PRPF4: variants seen among roughly 807,000 people sequenced by gnomAD.
The protein encoded by PRPF4 is pre-mRNA splicing tri-snRNP complex factor PRPF4.
PRPF4 carries 14 observed loss-of-function variants against 72.2 expected under a neutral mutation model. The ratio of observed to expected loss-of-function variants is 0.19; its 90% CI spans 0.13 to 0.30. PRPF4 has a LOEUF of 0.30. PRPF4 is among the 10% of genes least tolerant of loss of function. PRPF4 has a pLI of 1.00. For missense variants in PRPF4, 478 were observed against 653.9 expected (o/e 0.73, Z 2.93); for synonymous variants, 225 against 232.2 (o/e 0.97, Z 0.28).
chr9:113,285,619 C>A (rs1330883115), intron 7 of PRPF4, among the ~76,000 whole-genome samples: 2 of 151,666 alleles, frequency 1.3e-5, no homozygotes, highest in Non-Finnish European at 2.9e-5. Flanking sequence ...ACCTTGTGAT[C>A]TGCCCGCCTT....
intron 2 of PRPF4, among the ~76,000 whole-genome samples, chr9:113,277,498 G>A (rs1162880291): frequency 1.3e-5 from 2 of 151,970 alleles, no homozygotes; most frequent in African/African-American, 4.8e-5. Flanking sequence ...GGATTCTCCT[G>A]CCTCAGCCTC....
chr9:113,283,015 C>T lies in PRPF4; in HGVS notation c.481-117C>T, dbSNP rs962323447. On this transcript the variant is annotated intron_variant, in intron 4 of 13. Coordinates refer to ENST00000374198, the MANE Select transcript of PRPF4 (RefSeq NM_001244926.2). ...CAGTAGAAAGTCCTCTGCCTGATTT[C>T]ATCCTATTACCGAATGAATTCACCT... The T allele has an allele frequency of 9.8e-6, 15 of 1,537,132 alleles. No homozygotes were observed. In the Admixed American group the frequency reaches 2.9e-4, roughly 30 times the overall value.
At chr9:113,279,844 T>C (rs1192073663) in intron 3 of PRPF4, among the ~76,000 whole-genome samples, 2 of 152,164 alleles carry the variant, frequency 1.3e-5, no homozygotes, top group African/African-American at 4.8e-5. Flanking sequence ...ATGATAAATG[T>C]TTCTTGGATT....
At chr9:113,290,332 C>A in intron 10 of PRPF4, 134 bp from the exon 11 acceptor site, 1 of 1,268,576 alleles carries the variant, frequency 7.9e-7, no homozygotes, top group Non-Finnish European at 1.1e-6. Context: ...CAGAAAGGAG[C>A]TTCCTGTTAA....
Position 113,275,682 on chromosome 9 carries a change from G to T in PRPF4, c.-62G>T. 1.3e-6 allele frequency: 2 copies of T among 1,570,582 alleles called. No homozygotes were observed. Among genetic ancestry groups the T allele is most frequent in the Non-Finnish European group, 8.6e-7 (1 of 1,157,132 alleles). The stretch of plus-strand genomic sequence containing the variant: ...CGCACTTCCCCTCTGCTGGGCGCGC[G>T]GTGGACGGTCTGAAAGGGAGTGTTC... On this transcript the variant is annotated 5_prime_UTR_variant, in exon 1 of 14. Coordinates refer to ENST00000374198, the MANE Select transcript of PRPF4 (RefSeq NM_001244926.2).
intron 2 of PRPF4, 121 bp from the exon 3 acceptor site, chr9:113,278,824 C>A: frequency 2.1e-6 from 2 of 959,188 alleles, no homozygotes; most frequent in Non-Finnish European, 3.0e-6. Context: ...AAACAGTAAA[C>A]TATAAAATGT....
At chr9:113,277,466 A>G (rs957242321) in intron 2 of PRPF4, among the ~76,000 whole-genome samples, 3 of 151,536 alleles carry the variant, frequency 2.0e-5, no homozygotes, top group Admixed American at 1.3e-4. Flanking sequence ...GCTCACTGCA[A>G]CCTCTGCCTT....
chr9:113,275,712 T>G lies in PRPF4; in HGVS notation c.-32T>G. Reference sequence around the variant, plus strand: ...ACGGTCTGAAAGGGAGTGTTCGGGTTTCGCTGGGGCCTCGCGGCTCCAGAG... The same window carrying G: ...ACGGTCTGAAAGGGAGTGTTCGGGTGTCGCTGGGGCCTCGCGGCTCCAGAG... On this transcript the variant is annotated 5_prime_UTR_variant, in exon 1 of 14. Coordinates refer to ENST00000374198, the MANE Select transcript of PRPF4 (RefSeq NM_001244926.2). 1.2e-6 allele frequency: 2 copies of G among 1,607,056 alleles called. No homozygotes were observed. Among genetic ancestry groups the G allele is most frequent in the Non-Finnish European group, 1.7e-6 (2 of 1,176,588 alleles).
At chr9:113,285,343 A>ATTTTTTTTTTTTTTTTTTT (rs71367713) in intron 7 of PRPF4, among the ~76,000 whole-genome samples, 1 of 67,578 alleles carries the variant, frequency 1.5e-5, no homozygotes, top group African/African-American at 5.6e-5. Flanking sequence ...GTCTCTACAA[A>ATTTTTTTTTTTTTTTTTTT]TTTTTTTTTT....
At chr9:113,291,056 A>G (rs1832595366) in intron 13 of PRPF4, 40 bp downstream of exon 13, 2 of 1,557,340 alleles carry the variant, frequency 1.3e-6, no homozygotes, top group Non-Finnish European at 1.8e-6. Context: ...TGACACAGAC[A>G]AACAGTATTG....
At chr9:113,286,170 C>T (rs567814438) in intron 7 of PRPF4, 62 bp from the exon 8 acceptor site, 3 of 1,561,240 alleles carry the variant, frequency 1.9e-6, no homozygotes, top group African/African-American at 2.7e-5. Flanking sequence ...AGTAATATTA[C>T]CAAGGTACCT....
chr9:113,282,542 G>A, intron 3 of PRPF4, 104 bp from the exon 4 acceptor site: 2 of 854,026 alleles, frequency 2.3e-6, no homozygotes, highest in East Asian at 2.7e-5. Context: ...TCCCATCTTA[G>A]GGGAACTTTA....
chr9:113,286,599 T>C (rs1039311708), intron 8 of PRPF4, 106 bp from the exon 9 acceptor site: 3 of 1,351,924 alleles, frequency 2.2e-6, no homozygotes, highest in Middle Eastern at 1.9e-4. Context: ...GTTTTAATAG[T>C]TGAATAGTCA....
chr9:113,289,359 A>G (rs927689633), intron 10 of PRPF4, among the ~76,000 whole-genome samples: 1 of 152,214 alleles, frequency 6.6e-6, no homozygotes, highest in African/African-American at 2.4e-5. Flanking sequence ...TTGCTGGGTC[A>G]TAGGGTAGAG....
chr9:113,284,513 C>A, intron 7 of PRPF4, 124 bp downstream of exon 7: 1 of 776,194 alleles, frequency 1.3e-6, no homozygotes, highest in Non-Finnish European at 2.2e-6. Context: ...TCACACCAAA[C>A]TACAGATGTC....
intron 8 of PRPF4, 109 bp downstream of exon 8, chr9:113,286,399 T>G (rs1342879063): frequency 2.7e-6 from 3 of 1,128,478 alleles, no homozygotes; most frequent in Non-Finnish European, 4.0e-6. Flanking sequence ...TAATCCTTGA[T>G]TTGATTTGAC....
intron 13 of PRPF4, 90 bp downstream of exon 13, chr9:113,291,106 G>T (rs1366335497): frequency 3.8e-6 from 5 of 1,302,368 alleles, no homozygotes. Flanking sequence ...GCTTAACTGA[G>T]CAGTAAAACA....
intron 3 of PRPF4, among the ~76,000 whole-genome samples, chr9:113,280,744 C>T (rs1409212059): frequency 6.6e-6 from 1 of 152,230 alleles, no homozygotes; most frequent in Non-Finnish European, 1.5e-5. Context: ...CTAGAATAGC[C>T]ACATTGGTCC....
In PRPF4 at chr9:113,291,734, G is replaced by T. The variant is rs1244667234; in HGVS notation, c.*74G>T. On this transcript the variant is annotated 3_prime_UTR_variant, in exon 14 of 14. Coordinates refer to ENST00000374198, the MANE Select transcript of PRPF4 (RefSeq NM_001244926.2). ...TTTTCCTCAAACGAGAAGAATTGAAGTGTTTAGTTCTATCATGTTTTCTGC... is the reference window on the plus strand; with the variant it reads ...TTTTCCTCAAACGAGAAGAATTGAATTGTTTAGTTCTATCATGTTTTCTGC... 9.1e-6 allele frequency: 13 copies of T among 1,434,758 alleles called. No homozygotes were observed. Among genetic ancestry groups the T allele is most frequent in the Non-Finnish European group, 1.2e-5 (13 of 1,044,808 alleles). 88.9% of individuals were successfully genotyped at this position (1,434,758 alleles called of 1,614,324 possible). A position where few individuals can be genotyped will look rare whatever the true frequency, so the allele number is the denominator to read the frequency against.
Sources: allele counts gnomAD v4.1 joint callset (sites outside exome capture counted in the v4.1 genomes callset), GRCh38; gene constraint gnomAD v4.1.1; transcripts MANE v1.5; gene names NCBI Gene and HGNC (gene_info 2026-07-23, HGNC 2026-07-21).